The following VPS13D variants were observed in gnomAD, a reference collection of about 807,000 sequenced individuals.
The protein encoded by VPS13D is intermembrane lipid transfer protein VPS13D.
A neutral mutation model predicts 461.9 loss-of-function variants in VPS13D; 187 were observed. That is an observed-to-expected ratio of 0.40 (90% CI 0.36 to 0.46). VPS13D has a LOEUF of 0.46. Ranked by LOEUF, VPS13D falls within the 20% of genes least tolerant of loss-of-function variation. The probability of loss-of-function intolerance (pLI) is 0.60; values close to 1 mark genes in which losing one functional copy is unlikely to be tolerated. For synonymous variants in VPS13D, 1,951 were observed against 1,986.3 expected (o/e 0.98, Z 0.47); for missense variants, 4,711 against 5,364.9 (o/e 0.88, Z 3.81).
Position 12,505,134 on chromosome 1 carries a change from C to A in VPS13D, c.12795-1719C>A, listed in dbSNP as rs1029224446. Among the ~76,000 whole-genome samples the A allele has an allele frequency of 6.6e-6, 1 of 152,326 alleles. No homozygotes were observed. ...GCTGTGCACCAGGCCCACCGATGCT[C>A]AGGGGTGTAGGCTGCTTCCGGGTCT... is the stretch of plus-strand genomic sequence containing the variant. On this transcript the variant is annotated intron_variant, in intron 68 of 69. Transcript: ENST00000620676. This position sits in a 1 kb window ranked among gnomAD's most constrained non-coding sequence, Gnocchi z 4.2.
At chr1:12,401,827 A>T in intron 62 of VPS13D, 123 bp downstream of exon 62, 1 of 690,292 alleles carries the variant, frequency 1.4e-6, no homozygotes, top group Non-Finnish European at 2.5e-6. Flanking sequence ...TCTCAGCCTG[A>T]GCTAGGAAGC....
intron 54 of VPS13D, 142 bp downstream of exon 54, chr1:12,369,844 A>T: frequency 2.7e-6 from 2 of 752,552 alleles, no homozygotes; most frequent in Non-Finnish European, 4.2e-6. Flanking sequence ...CTCAGTGTCT[A>T]TCTTAAGAGG....
intron 65 of VPS13D, among the ~76,000 whole-genome samples, chr1:12,418,202 C>G (rs1644820162): frequency 6.6e-6 from 1 of 152,154 alleles, no homozygotes; most frequent in Non-Finnish European, 1.5e-5. Flanking sequence ...GCCACTGTAC[C>G]CAGACAGCAA....
At chr1:12,377,716 A>G (rs1279858412) in intron 55 of VPS13D, among the ~76,000 whole-genome samples, 1 of 147,868 alleles carries the variant, frequency 6.8e-6, no homozygotes, top group Non-Finnish European at 1.5e-5. Flanking sequence ...GCTACTCGGG[A>G]GGCTGAGGCA....
At chr1:12,423,511 C>T (rs755720053) in intron 65 of VPS13D, among the ~76,000 whole-genome samples, 17 of 152,272 alleles carry the variant, frequency 1.1e-4, no homozygotes, top group African/African-American at 3.1e-4. Flanking sequence ...ACCGAGAAAA[C>T]GAGAAATTCA....
At chr1:12,413,169 T>G (rs1051878007) in intron 63 of VPS13D, among the ~76,000 whole-genome samples, 4 of 152,056 alleles carry the variant, frequency 2.6e-5, no homozygotes, top group Non-Finnish European at 5.9e-5. Context: ...CTGGGTGTTT[T>G]TTTGTTTGTT....
At position 12,473,409 on chromosome 1, in the gene VPS13D, G is replaced by A. The variant is rs370406458; in HGVS notation, c.12662+13013G>A. Among the ~76,000 whole-genome samples the A allele has an allele frequency of 2.6e-5, 4 of 152,300 alleles. No homozygotes were observed. The highest frequency in any genetic ancestry group is 6.5e-5 in the Admixed American group (1 of 15,302). ...GGGTTCCGCAGCACTGGCTGCTTCC[G>A]GCATCTGCAGTGCGAGGGTAAACAG... On this transcript the variant is annotated intron_variant, in intron 67 of 69. Transcript: ENST00000620676. The surrounding 1 kb of genome is among the most constrained non-coding windows in gnomAD (Gnocchi z 4.2).
At chr1:12,310,909 T>C (rs4026927) in intron 27 of VPS13D, among the ~76,000 whole-genome samples, 4,293 of 112,012 alleles carry the variant, frequency 0.038, 119 homozygotes, top group African/African-American at 0.12. Flanking sequence ...CCTTCCCTCC[T>C]TCCCTCCCTC....
intron 54 of VPS13D, among the ~76,000 whole-genome samples, chr1:12,372,010 A>G (rs913373587): frequency 1.3e-5 from 2 of 152,006 alleles, no homozygotes; most frequent in Non-Finnish European, 2.9e-5. Context: ...AGAGGTTCCA[A>G]TTTCTCCACA....
At chr1:12,274,243 G>A (rs1557678548) in intron 18 of VPS13D, among the ~76,000 whole-genome samples, 1 of 152,204 alleles carries the variant, frequency 6.6e-6, no homozygotes, top group Admixed American at 6.5e-5. Flanking sequence ...GTTTCTCCAC[G>A]TTGGCCAGTC....
At chr1:12,236,973 A>G (rs909337437) in intron 2 of VPS13D, among the ~76,000 whole-genome samples, 9 of 152,138 alleles carry the variant, frequency 5.9e-5, no homozygotes, top group South Asian at 2.1e-4. Context: ...GTAGGCTCTC[A>G]GTCAATGTTA....
At chr1:12,235,082 A>AC in intron 2 of VPS13D, among the ~76,000 whole-genome samples, 1 of 152,338 alleles carries the variant, frequency 6.6e-6, no homozygotes, top group East Asian at 1.9e-4. Flanking sequence ...GAGCTTTTTA[A>AC]CATACGTAGG....
chr1:12,429,829 C>G (rs1389082556), intron 65 of VPS13D, among the ~76,000 whole-genome samples: 1 of 152,054 alleles, frequency 6.6e-6, no homozygotes, highest in Non-Finnish European at 1.5e-5. Flanking sequence ...TTGATTGGAC[C>G]CAGGCTTCGC....
chr1:12,415,250 G>A (rs1181385105), intron 64 of VPS13D, 29 bp downstream of exon 64: 2 of 1,613,602 alleles, frequency 1.2e-6, no homozygotes, highest in Non-Finnish European at 1.7e-6. Context: ...ATCATTGGCT[G>A]GAGCATAAGC....
intron 18 of VPS13D, among the ~76,000 whole-genome samples, chr1:12,275,564 G>C (rs1641585609): frequency 6.6e-6 from 1 of 152,172 alleles, no homozygotes. Context: ...GCAGCATTGG[G>C]TCAGCAGGTG....
At chr1:12,249,368 G>A (rs764365985) in intron 6 of VPS13D, 29 bp downstream of exon 6, 1 of 1,570,484 alleles carries the variant, frequency 6.4e-7, no homozygotes, top group South Asian at 1.1e-5. Flanking sequence ...GACAAAGCAG[G>A]AAGAAAGCCA....
chr1:12,273,732 C>A (rs537199350), intron 18 of VPS13D, among the ~76,000 whole-genome samples: 28 of 152,252 alleles, frequency 1.8e-4, no homozygotes, highest in African/African-American at 5.3e-4. Flanking sequence ...ACCGATACTT[C>A]CTTCCTTCGT....
rs760015094 is a variant in VPS13D, at chr1:12,311,808, T to G, written c.6823-5T>G. On this transcript the variant is annotated splice_polypyrimidine_tract_variant and splice_region_variant and intron_variant, in intron 28 of 69. Transcript: ENST00000620676. ...TGTGGATTGACGAGCATTTTCCTTT[T>G]GTAGACTGTCCTGAGTGGAGAAGTG... is the stretch of plus-strand genomic sequence containing the variant. The G allele has an allele frequency of 2.5e-6, 4 of 1,612,454 alleles. No homozygotes were observed. The African/African-American group carries it at 4.0e-5, about 16-fold the overall frequency.
chr1:12,310,833 T>TCCTTCCCTCCTTCCC (rs1642722547), intron 27 of VPS13D, among the ~76,000 whole-genome samples: 1 of 50,300 alleles, frequency 2.0e-5, no homozygotes, highest in Non-Finnish European at 4.2e-5. Flanking sequence ...CCCTCCTTCC[T>TCCTTCCCTCCTTCCC]TCCTTCCCTC....
Sources: gnomAD v4.1 joint callset for allele counts (sites outside exome capture counted in the v4.1 genomes callset) on GRCh38, gnomAD v4.1.1 for gene constraint, Gnocchi (gnomAD v3.1) non-coding constraint, MANE v1.5 for transcripts, NCBI Gene and HGNC (gene_info 2026-07-23, HGNC 2026-07-21) for gene names.